The following CCDC186 variants were observed in gnomAD, a reference collection of about 807,000 sequenced individuals.
CCDC186 encodes coiled-coil domain containing 186.
Under a neutral mutation model 113.7 loss-of-function variants are expected in CCDC186, and 49 were observed. The ratio of observed to expected loss-of-function variants is 0.43; its 90% confidence interval spans 0.34 to 0.55. The LOEUF (loss-of-function observed/expected upper bound fraction) is 0.55. CCDC186 is among the 20% of genes least tolerant of loss of function. The pLI, the probability that CCDC186 is intolerant of heterozygous loss-of-function variation, is 0.02. For synonymous variants in CCDC186, 355 were observed against 345.8 expected (o/e 1.03, Z -0.30); for missense variants, 890 against 1,011.1 (o/e 0.88, Z 1.62).
In CCDC186 at chr10:114,121,491, C is replaced by A. The variant is rs2030722137; in HGVS notation, c.*3652G>T. On this transcript the variant is annotated 3_prime_UTR_variant, in exon 16 of 16. Transcript: ENST00000369287. ...TGGAAACATGCGTGACATGATTAAT[C>A]TTTATGAGCACCAAATAGGCATTAA... is the stretch of plus-strand genomic sequence containing the variant. The A allele has an allele frequency of 6.6e-6, 1 of 152,078 alleles. No homozygotes were observed. The highest frequency in any genetic ancestry group is 2.4e-5 in the African/African-American group (1 of 41,386). The allele number at this position is 152,078 out of a possible 1,614,324, so 9.4% of individuals were successfully genotyped here.
At chr10:114,144,352 A>G in intron 6 of CCDC186, 145 bp downstream of exon 6, 1 of 936,106 alleles carries the variant, frequency 1.1e-6, no homozygotes, top group Non-Finnish European at 1.5e-6. Flanking sequence ...ACTAAGCTTC[A>G]TGCCTCATTA....
At chr10:114,167,271 G>A (rs572831313) in intron 1 of CCDC186, among the ~76,000 whole-genome samples, 3 of 152,010 alleles carry the variant, frequency 2.0e-5, no homozygotes, top group African/African-American at 4.8e-5. Flanking sequence ...CACCCGCCTC[G>A]GCCTCCCAAA....
At position 114,174,149 on chromosome 10, in the gene CCDC186, C is replaced by T. The variant is rs758676801; in HGVS notation, c.-196G>A. On this transcript the variant is annotated 5_prime_UTR_variant, in exon 1 of 16. Transcript: ENST00000369287. ...CCGCGGTGAGAAACACAGCCGACGC[C>T]TCACTCAGCGGCCGTTTCCCCAAAC... 2 of 470,332 alleles carry T rather than the reference C, an allele frequency of 4.3e-6. No homozygotes were observed. The highest frequency in any genetic ancestry group is 2.4e-5 in the Admixed American group (1 of 42,346). 29.1% of individuals were successfully genotyped at this position (470,332 alleles called of 1,614,324 possible).
chr10:114,157,357 ATTTTTTT>A (rs5788057), intron 3 of CCDC186, among the ~76,000 whole-genome samples, 190 bp downstream of exon 3: 1 of 130,194 alleles, frequency 7.7e-6, no homozygotes, highest in Non-Finnish European at 1.7e-5. Flanking sequence ...CTAATTTTCT[ATTTTTTT>A]TTTTTTTTGT....
rs529414866 is a variant in CCDC186 at position 114,139,477 on chromosome 10, C to T, written c.1222-2187G>A. ...ACTCAGGAGGCTGAGGCAGAAGAATCGCTTGACCCTGGGAGGCAGAGGTTG... is the reference window on the plus strand; with the variant it reads ...ACTCAGGAGGCTGAGGCAGAAGAATTGCTTGACCCTGGGAGGCAGAGGTTG... On this transcript the variant is annotated intron_variant, in intron 6 of 15. Coordinates refer to ENST00000369287, the MANE Select transcript of CCDC186 (RefSeq NM_018017.4). Among the ~76,000 whole-genome samples the T allele has an allele frequency of 1.4e-4, 21 of 151,428 alleles. No homozygotes were observed. The East Asian group carries it at 3.7e-3, about 26-fold the overall frequency.
rs562536720 is a variant in CCDC186, at chr10:114,143,005, G to T, written c.1221+1492C>A. ...GAAAGTAACGACTGTGTCTCCTAAG[G>T]CTTTTATAGCCTCCAAGTTATCTAA... On this transcript the variant is annotated intron_variant, in intron 6 of 15. Coordinates refer to ENST00000369287, the MANE Select transcript of CCDC186 (RefSeq NM_018017.4). Among the ~76,000 whole-genome samples, 471 of 152,270 alleles carry T rather than the reference G, an allele frequency of 3.1e-3. 2 individuals carry two copies. The highest frequency in any genetic ancestry group is 5.2e-3 in the Non-Finnish European group (354 of 68,038).
chr10:114,155,117 T>C (rs1395331978), intron 3 of CCDC186, among the ~76,000 whole-genome samples: 1 of 152,230 alleles, frequency 6.6e-6, no homozygotes, highest in Non-Finnish European at 1.5e-5. Context: ...TGACTACTAA[T>C]GTGTGTTGCA....
chr10:114,145,734 G>GGCGT lies in CCDC186; in HGVS notation c.912_915dup (p.Gln306ThrfsTer15). ...TTCATTACCATTGCTTCTTTTTCTT[G>GGCGT]GCGTGCCTCTTCACATTTCTTGTTG... On this transcript the variant is annotated frameshift_variant, in exon 5 of 16. Transcript: ENST00000369287. LOFTEE classifies it high-confidence loss of function. 2.5e-6 allele frequency: 4 copies of GGCGT among 1,590,276 alleles called. No homozygotes were observed. The highest frequency in any genetic ancestry group is 3.4e-6 in the Non-Finnish European group (4 of 1,173,546).
In CCDC186 at chr10:114,162,614, A is replaced by T. The variant is rs1016398851; in HGVS notation, c.632+23T>A. On this transcript the variant is annotated intron_variant, in intron 2 of 15. Transcript: ENST00000369287. ...CTGTGCCTGTGAGGGAAAAAAAATA[A>T]CCTAAAGGTATAAAAAACTTACTTT... is the stretch of plus-strand genomic sequence containing the variant. 5 of 1,487,032 alleles carry T rather than the reference A, an allele frequency of 3.4e-6. No individual in the cohort carries two copies. The African/African-American group carries it at 7.1e-5, about 21-fold the overall frequency. 92.1% of individuals were successfully genotyped at this position (1,487,032 alleles called of 1,614,324 possible).
rs2032200910 is a variant in CCDC186 at position 114,162,482 on chromosome 10, A to C, written c.632+155T>G. The C allele has an allele frequency of 5.4e-6, 3 of 558,156 alleles. No homozygotes were observed. In the Admixed American group the frequency reaches 1.1e-4, roughly 21 times the overall value. The allele number at this position is 558,156 out of a possible 1,614,324, so 34.6% of individuals were successfully genotyped here. Reference sequence around the variant, plus strand: ...TGAAAAACTCGACATTTGCTCACACATTCAGCAACTATACATTTATTGTTC... The same window carrying C: ...TGAAAAACTCGACATTTGCTCACACCTTCAGCAACTATACATTTATTGTTC... On this transcript the variant is annotated intron_variant, in intron 2 of 15. Transcript: ENST00000369287.
chr10:114,146,575 T>A (rs145694983), intron 4 of CCDC186, among the ~76,000 whole-genome samples: 2 of 152,364 alleles, frequency 1.3e-5, no homozygotes, highest in South Asian at 2.1e-4. Context: ...GTATGAAAAC[T>A]ATATACTCAT....
Position 114,157,605 on chromosome 10 carries a change from TTCTTC to T in CCDC186, c.703_707del (p.Glu235ThrfsTer8). 1 of 1,611,458 alleles carries T rather than the reference TTCTTC, an allele frequency of 6.2e-7. No individual in the cohort carries two copies. Among genetic ancestry groups the T allele is most frequent in the Non-Finnish European group, 8.5e-7 (1 of 1,179,160 alleles). ...TCTCAGTTTCTGTTCTTTTCTTTAG[TTCTTC>T]TCTTAAATTGTCTTTTTCTGAACAA... is the stretch of plus-strand genomic sequence containing the variant. On this transcript the variant is annotated frameshift_variant, in exon 3 of 16. Coordinates refer to ENST00000369287, the MANE Select transcript of CCDC186 (RefSeq NM_018017.4). LOFTEE classifies it high-confidence loss of function.
chr10:114,136,276 CA>C (rs777579157), intron 7 of CCDC186, 30 bp from the exon 8 acceptor site: 5 of 1,522,732 alleles, frequency 3.3e-6, no homozygotes, highest in Non-Finnish European at 4.5e-6. Context: ...AAAAGTGTGA[CA>C]ATTTTTAACC....
chr10:114,129,170 A>AC (rs2031005776), intron 13 of CCDC186, among the ~76,000 whole-genome samples: 1 of 152,082 alleles, frequency 6.6e-6, no homozygotes, highest in African/African-American at 2.4e-5. Flanking sequence ...AAAAACAAAA[A>AC]ATAAACATTA....
At chr10:114,148,706 G>A (rs913031895) in intron 4 of CCDC186, among the ~76,000 whole-genome samples, 1 of 152,184 alleles carries the variant, frequency 6.6e-6, no homozygotes, top group African/African-American at 2.4e-5. Context: ...GTATACTAGG[G>A]CTAAAACCTT....
At position 114,122,188 on chromosome 10, in the gene CCDC186, C is replaced by A. The variant is rs990146856; in HGVS notation, c.*2955G>T. The A allele has an allele frequency of 6.6e-6, 1 of 151,994 alleles. No homozygotes were observed. Among genetic ancestry groups the A allele is most frequent in the Non-Finnish European group, 1.5e-5 (1 of 67,996 alleles). The allele number at this position is 151,994 out of a possible 1,614,324, so 9.4% of individuals were successfully genotyped here. A position where few individuals can be genotyped will look rare whatever the true frequency, so the allele number is the denominator to read the frequency against. Reference sequence around the variant, plus strand: ...CTGCTCACTAGTATAAATACAATACCCTGTATGGTGCCAATACAATAGTAT... The same window carrying A: ...CTGCTCACTAGTATAAATACAATACACTGTATGGTGCCAATACAATAGTAT... On this transcript the variant is annotated 3_prime_UTR_variant, in exon 16 of 16. Transcript: ENST00000369287.
chr10:114,139,042 T>G (rs535327202), intron 6 of CCDC186, among the ~76,000 whole-genome samples: 82 of 152,344 alleles, frequency 5.4e-4, no homozygotes, highest in African/African-American at 1.8e-3. Context: ...AGCTTATATG[T>G]TCCCCTAATA....
At chr10:114,145,046 G>A (rs1377735243) in intron 5 of CCDC186, among the ~76,000 whole-genome samples, 1 of 152,026 alleles carries the variant, frequency 6.6e-6, no homozygotes, top group East Asian at 1.9e-4. Flanking sequence ...TAGTTAACAG[G>A]AAGGGTTCTG....
rs2031037931 is a variant in CCDC186, at chr10:114,130,037, T to G, written c.2102-66A>C. On this transcript the variant is annotated intron_variant, in intron 12 of 15. Transcript: ENST00000369287. Reference sequence around the variant, plus strand: ...CATTTGCTCCTACCATCTCTGACTTTAATTGCTAAAATCACTGAGGCAAAA... The same window carrying G: ...CATTTGCTCCTACCATCTCTGACTTGAATTGCTAAAATCACTGAGGCAAAA... 2.7e-6 allele frequency: 4 copies of G among 1,466,796 alleles called. No homozygotes were observed. The South Asian group carries it at 4.7e-5, about 17-fold the overall frequency. The allele number at this position is 1,466,796 out of a possible 1,614,324, so 90.9% of individuals were successfully genotyped here.
Sources: allele counts gnomAD v4.1 joint callset (sites outside exome capture counted in the v4.1 genomes callset), GRCh38; gene constraint gnomAD v4.1.1; transcripts MANE v1.5; gene names NCBI Gene and HGNC (gene_info 2026-07-23, HGNC 2026-07-21).